MACROD2: variants seen among roughly 807,000 people sequenced by gnomAD.
MACROD2 encodes the protein ADP-ribose glycohydrolase MACROD2.
Under a neutral mutation model 70.4 loss-of-function variants are expected in MACROD2, and 36 were observed. The observed-to-expected ratio is 0.51, with a 90% confidence interval of 0.39 to 0.68. The LOEUF (loss-of-function observed/expected upper bound fraction) is 0.68, where lower values mean the gene tolerates loss of function less well. Among genes scored for constraint, MACROD2 ranks in the 30% least tolerant of loss-of-function variants. The pLI is 0.00. For synonymous variants in MACROD2, 172 were observed against 178.8 expected (o/e 0.96, Z 0.30); for missense variants, 496 against 538.4 (o/e 0.92, Z 0.78).
intron 5 of MACROD2, among the ~76,000 whole-genome samples, chr20:15,016,655 G>T (rs1317952445): frequency 6.6e-6 from 1 of 152,046 alleles, no homozygotes; most frequent in Non-Finnish European, 1.5e-5. Context: ...TTTTCATGCT[G>T]CTGATAAAGA....
intron 3 of MACROD2, among the ~76,000 whole-genome samples, chr20:14,400,642 A>C (rs34094793): frequency 0.16 from 23,743 of 152,164 alleles, 2,602 homozygotes; most frequent in Non-Finnish European, 0.23. Context: ...GTCATGTGGA[A>C]AATGTCTCCG....
At chr20:15,527,737 C>G (rs1009343473) in intron 8 of MACROD2, among the ~76,000 whole-genome samples, 2 of 152,184 alleles carry the variant, frequency 1.3e-5, no homozygotes, top group Non-Finnish European at 2.9e-5. Flanking sequence ...CAGTGTTTCT[C>G]CAAAAGGCAA....
chr20:14,794,447 G>A (rs895731885), intron 5 of MACROD2, among the ~76,000 whole-genome samples: 1 of 152,036 alleles, frequency 6.6e-6, no homozygotes, highest in Non-Finnish European at 1.5e-5. Context: ...CAGTTAAAAT[G>A]GTTAGAAATA....
chr20:15,775,281 T>C (rs2051702935), intron 8 of MACROD2, among the ~76,000 whole-genome samples: 1 of 152,102 alleles, frequency 6.6e-6, no homozygotes, highest in South Asian at 2.1e-4. Flanking sequence ...TTTTCCATGC[T>C]CTAACATCAA....
chr20:14,291,607 A>G (rs1383640502), intron 3 of MACROD2, among the ~76,000 whole-genome samples: 1 of 152,024 alleles, frequency 6.6e-6, no homozygotes, highest in East Asian at 1.9e-4. Flanking sequence ...TCATGTTTTC[A>G]TGATCAACAA....
At position 14,385,047 on chromosome 20, in the gene MACROD2, T is replaced by A. The variant is rs1299289225; in HGVS notation, c.272-108432T>A. Among the ~76,000 whole-genome samples the A allele has an allele frequency of 2.6e-5, 4 of 152,218 alleles. 1 individual carries two copies. Among genetic ancestry groups the A allele is most frequent in the Middle Eastern group, 3.4e-3 (1 of 294 alleles). On this transcript the variant is annotated intron_variant, in intron 3 of 17. Transcript: ENST00000684519. ...AGAAATCAGGGATTGTTAAAACTCATACTGAAGGATTTATAGAAGCCATCA... is the reference window on the plus strand; with the variant it reads ...AGAAATCAGGGATTGTTAAAACTCAAACTGAAGGATTTATAGAAGCCATCA...
intron 5 of MACROD2, among the ~76,000 whole-genome samples, chr20:14,764,381 C>G (rs894881370): frequency 1.5e-4 from 23 of 152,164 alleles, no homozygotes; most frequent in African/African-American, 5.3e-4. Context: ...TTGCCTGAAA[C>G]CTGCCCATAC....
chr20:16,029,562 AG>A (rs2067125184), intron 15 of MACROD2, among the ~76,000 whole-genome samples: 1 of 152,228 alleles, frequency 6.6e-6, no homozygotes, highest in African/African-American at 2.4e-5. Context: ...AGCAAAAGGA[AG>A]GCACCTTTCT....
intron 8 of MACROD2, among the ~76,000 whole-genome samples, chr20:15,613,808 A>G (rs988059389): frequency 6.6e-6 from 1 of 152,190 alleles, no homozygotes; most frequent in African/African-American, 2.4e-5. Flanking sequence ...AGAATGTAGG[A>G]GGGTGGAAAG....
At chr20:16,043,580 A>G (rs1225888) in intron 16 of MACROD2, among the ~76,000 whole-genome samples, 53,514 of 151,952 alleles carry the variant, frequency 0.35, 11,662 homozygotes, top group South Asian at 0.53. Flanking sequence ...AATGGCAGTA[A>G]TCATGCATTC....
chr20:14,448,348 T>C (rs1206829601), intron 3 of MACROD2, among the ~76,000 whole-genome samples: 1 of 152,018 alleles, frequency 6.6e-6, no homozygotes, highest in Non-Finnish European at 1.5e-5. Flanking sequence ...TTTCATTCGT[T>C]GGAAAGGGAA....
At chr20:15,054,785 T>A (rs1037952867) in intron 5 of MACROD2, among the ~76,000 whole-genome samples, 1 of 151,984 alleles carries the variant, frequency 6.6e-6, no homozygotes, top group African/African-American at 2.4e-5. Flanking sequence ...ACCCACAACT[T>A]TTTTTTGTTT....
intron 3 of MACROD2, among the ~76,000 whole-genome samples, chr20:14,090,133 C>G (rs2054127707): frequency 6.6e-6 from 1 of 152,086 alleles, no homozygotes; most frequent in Non-Finnish European, 1.5e-5. Flanking sequence ...AGACTACAGA[C>G]TTTATTCAGT....
intron 6 of MACROD2, among the ~76,000 whole-genome samples, chr20:15,405,784 A>C (rs1320653121): frequency 2.0e-5 from 3 of 152,120 alleles, no homozygotes; most frequent in Non-Finnish European, 4.4e-5. Flanking sequence ...GCTCTCTTGA[A>C]ATTCTCCTTT....
intron 6 of MACROD2, among the ~76,000 whole-genome samples, chr20:15,237,500 T>C (rs767831223): frequency 3.3e-4 from 49 of 147,554 alleles, no homozygotes; most frequent in Non-Finnish European, 6.4e-4. Context: ...ATCACACTTA[T>C]GGCACTCTAT....
chr20:15,501,380 T>C (rs1414108650), intron 8 of MACROD2, among the ~76,000 whole-genome samples: 1 of 152,224 alleles, frequency 6.6e-6, no homozygotes, highest in Non-Finnish European at 1.5e-5. Flanking sequence ...TGGGATGTGA[T>C]GGACATATGC....
At chr20:14,477,302 G>A (rs906365379) in intron 3 of MACROD2, among the ~76,000 whole-genome samples, 4 of 152,086 alleles carry the variant, frequency 2.6e-5, no homozygotes, top group Admixed American at 2.6e-4. Context: ...TGGGCACTGG[G>A]GGCAATGAGA....
At chr20:16,025,554 A>G (rs2067066405) in intron 15 of MACROD2, among the ~76,000 whole-genome samples, 1 of 151,622 alleles carries the variant, frequency 6.6e-6, no homozygotes, top group Non-Finnish European at 1.5e-5. Flanking sequence ...TGAGCCACCC[A>G]GAGATGTCAG....
At chr20:15,552,408 T>C (rs1314034480) in intron 8 of MACROD2, 2 of 152,232 alleles carry the variant, frequency 1.3e-5, no homozygotes, top group African/African-American at 2.4e-5. Context: ...AATACTCCAA[T>C]CTGCTATTAA....
Sources: allele counts gnomAD v4.1 joint callset (sites outside exome capture counted in the v4.1 genomes callset), GRCh38; gene constraint gnomAD v4.1.1; transcripts MANE v1.5; gene names NCBI Gene and HGNC (gene_info 2026-07-23, HGNC 2026-07-21).